ZNF317: variants seen among roughly 807,000 people sequenced by gnomAD.
ZNF317 encodes the protein zinc finger protein 317.
In ZNF317, 17 loss-of-function variants were observed where a neutral mutation model predicts 23.4. That is an observed-to-expected ratio of 0.73 (90% CI 0.50 to 1.09). ZNF317 has a LOEUF of 1.09. Ranked by LOEUF, ZNF317 falls within the 50% of genes least tolerant of loss-of-function variation. The pLI is 0.00. For missense variants in ZNF317, 679 were observed against 796.7 expected, an observed-to-expected ratio of 0.85 and a Z score of 1.78; for synonymous variants, 317 against 314.9, an observed-to-expected ratio of 1.01 and a Z score of -0.07.
At chr19:9,150,487 C>G (rs910921918) in intron 1 of ZNF317, among the ~76,000 whole-genome samples, 6 of 152,124 alleles carry the variant, frequency 3.9e-5, no homozygotes, top group African/African-American at 1.4e-4. Context: ...GAGACCTTCA[C>G]AGAAGTGCAA....
At chr19:9,150,610 G>C (rs966784882) in intron 1 of ZNF317, among the ~76,000 whole-genome samples, 3 of 152,216 alleles carry the variant, frequency 2.0e-5, no homozygotes, top group Non-Finnish European at 4.4e-5. Context: ...GCTGGGCAGA[G>C]GAGGGATCTC....
chr19:9,140,485 T>A lies in ZNF317; in HGVS notation c.-200T>A. Reference sequence around the variant, plus strand: ...TCAGCGGCGAATTCTTTCGGCCTGTTGGGGACCCCTCGTGTCCCCACGCCA... The same window carrying A: ...TCAGCGGCGAATTCTTTCGGCCTGTAGGGGACCCCTCGTGTCCCCACGCCA... On this transcript the variant is annotated 5_prime_UTR_variant, in exon 1 of 7. Transcript: ENST00000247956. 1 of 456,430 alleles carries A rather than the reference T, an allele frequency of 2.2e-6. No homozygotes were observed. Among genetic ancestry groups the A allele is most frequent in the Non-Finnish European group, 4.4e-6 (1 of 226,860 alleles). 28.3% of individuals were successfully genotyped at this position (456,430 alleles called of 1,614,324 possible).
chr19:9,161,650 A>G lies in ZNF317; in HGVS notation c.*217A>G, dbSNP rs2050859316. 3.4e-6 allele frequency: 2 copies of G among 589,642 alleles called. No individual in the cohort carries two copies. Among genetic ancestry groups the G allele is most frequent in the Admixed American group, 3.2e-5 (1 of 31,044 alleles). The allele number at this position is 589,642 out of a possible 1,614,324, so 36.5% of individuals were successfully genotyped here. A position where few individuals can be genotyped will look rare whatever the true frequency, so the allele number is the denominator to read the frequency against. On this transcript the variant is annotated 3_prime_UTR_variant, in exon 7 of 7. Coordinates refer to ENST00000247956, the MANE Select transcript of ZNF317 (RefSeq NM_020933.5). The surrounding 1 kb of genome is among the most constrained non-coding windows in gnomAD (Gnocchi z 4.0). ...GGGGGTGAAAATGTACGTCTGTAGC[A>G]TGGAGAAGCCTTCAGGGTACATTCA...
At chr19:9,142,541 G>A (rs1361265688) in intron 1 of ZNF317, among the ~76,000 whole-genome samples, 7 of 106,546 alleles carry the variant, frequency 6.6e-5, no homozygotes, top group Non-Finnish European at 1.2e-4. Context: ...CTTTTAACAA[G>A]TGATTTTTTT....
chr19:9,149,305 C>G (rs2050715883), intron 1 of ZNF317, among the ~76,000 whole-genome samples: 1 of 152,028 alleles, frequency 6.6e-6, no homozygotes, highest in Admixed American at 6.6e-5. Flanking sequence ...GAAACCCTGT[C>G]TCTACTAAAA....
At chr19:9,156,117 C>T (rs978190246) in intron 2 of ZNF317, 76 bp downstream of exon 2, 76 of 1,559,300 alleles carry the variant, frequency 4.9e-5, no homozygotes, top group Non-Finnish European at 5.8e-5. Context: ...GTGAAAGATA[C>T]GTACACCATA....
intron 1 of ZNF317, among the ~76,000 whole-genome samples, chr19:9,140,992 T>A (rs186234021): frequency 6.6e-6 from 1 of 152,278 alleles, no homozygotes; most frequent in African/African-American, 2.4e-5. Context: ...ACATTGGTGT[T>A]CTTATTAGCA....
rs371623781 is a variant in ZNF317, at chr19:9,151,255, G to A, written c.-92-4670G>A. ...AGGGCTTTGTAAAAAGAATGAAAGC[G>A]TCATGCATCTTTGAGTTGGCCCAAG... On this transcript the variant is annotated intron_variant, in intron 1 of 6. Transcript: ENST00000247956. Among the ~76,000 whole-genome samples the A allele has an allele frequency of 2.7e-4, 41 of 152,264 alleles. 1 individual carries two copies. Among genetic ancestry groups the A allele is most frequent in the South Asian group, 1.7e-3 (8 of 4,826 alleles).
Position 9,152,201 on chromosome 19 carries a change from C to T in ZNF317, c.-92-3724C>T, listed in dbSNP as rs544009637. On this transcript the variant is annotated intron_variant, in intron 1 of 6. Coordinates refer to ENST00000247956, the MANE Select transcript of ZNF317 (RefSeq NM_020933.5). ...GATTACAGGCGTGAGCCACCGTGCC[C>T]AGCTGGTCCTGGACTTTTTATTTAA... Among the ~76,000 whole-genome samples, 15 of 152,282 alleles carry T rather than the reference C, an allele frequency of 9.9e-5. No individual in the cohort carries two copies. In the East Asian group the frequency reaches 2.7e-3, roughly 27 times the overall value.
chr19:9,158,799 A>C (rs2050815989), intron 5 of ZNF317, 27 bp from the exon 6 acceptor site: 1 of 1,473,278 alleles, frequency 6.8e-7, no homozygotes, highest in African/African-American at 1.4e-5. Flanking sequence ...CTTTTCCAAC[A>C]ATTAATACTT....
intron 1 of ZNF317, among the ~76,000 whole-genome samples, chr19:9,147,347 T>TTTGTTTTG (rs1324999739): frequency 1.6e-5 from 2 of 128,290 alleles, no homozygotes; most frequent in African/African-American, 5.7e-5. Flanking sequence ...TTTTTTTTTT[T>TTTGTTTTG]TTTTTTTTTT....
intron 1 of ZNF317, among the ~76,000 whole-genome samples, chr19:9,145,396 T>C (rs1487706370): frequency 2.0e-5 from 3 of 152,210 alleles, no homozygotes; most frequent in Non-Finnish European, 4.4e-5. Flanking sequence ...ATGCTGGGAT[T>C]ACAGGTGTGG....
chr19:9,158,815 ATTT>A lies in ZNF317; in HGVS notation c.386-10_386-8del. The A allele has an allele frequency of 6.3e-7, 1 of 1,578,820 alleles. No homozygotes were observed. Among genetic ancestry groups the A allele is most frequent in the Non-Finnish European group, 8.7e-7 (1 of 1,148,204 alleles). ...TTTTCCAACAATTAATACTTTTCCA[ATTT>A]GTTTCAGATTGGGAGACTCCATCTA... On this transcript the variant is annotated splice_polypyrimidine_tract_variant and splice_region_variant and intron_variant, in intron 5 of 6. Transcript: ENST00000247956.
Position 9,157,266 on chromosome 19 carries a change from A to T in ZNF317, c.163-2A>T. 1 of 1,613,582 alleles carries T rather than the reference A, an allele frequency of 6.2e-7. No homozygotes were observed. Among genetic ancestry groups the T allele is most frequent in the East Asian group, 2.2e-5 (1 of 44,880 alleles). On this transcript the variant is annotated splice_acceptor_variant, in intron 3 of 6. Coordinates refer to ENST00000247956, the MANE Select transcript of ZNF317 (RefSeq NM_020933.5). LOFTEE classifies it high-confidence loss of function. ...TGACCCCAAGTTTGTGTGGCGTTCC[A>T]GGAATCGGTGACTTTCCAAGATGTC...
chr19:9,157,549 G>C (rs915975342), intron 4 of ZNF317, 155 bp downstream of exon 4: 2 of 947,398 alleles, frequency 2.1e-6, no homozygotes, highest in Admixed American at 2.7e-5. Flanking sequence ...CCTGGGTATC[G>C]AGGCCCATCT....
At chr19:9,158,939 TC>T (rs757670285) in intron 6 of ZNF317, 31 bp downstream of exon 6, 24 of 1,498,508 alleles carry the variant, frequency 1.6e-5, no homozygotes, top group African/African-American at 2.8e-5. Context: ...TTCTGGATCT[TC>T]CTTCCACGTC....
Position 9,160,023 on chromosome 19 carries a change from A to C in ZNF317, c.469-91A>C. On this transcript the variant is annotated intron_variant, in intron 6 of 6. Transcript: ENST00000247956. The surrounding 1 kb of genome is among the most constrained non-coding windows in gnomAD (Gnocchi z 6.8). ...GCTCTAGTCATAGTAATGTGCTTCTATCTGTTCATAGCAGTGTATGTGGGG... is the reference window on the plus strand; with the variant it reads ...GCTCTAGTCATAGTAATGTGCTTCTCTCTGTTCATAGCAGTGTATGTGGGG... 1 of 1,549,714 alleles carries C rather than the reference A, an allele frequency of 6.5e-7. No homozygotes were observed.
intron 6 of ZNF317, among the ~76,000 whole-genome samples, chr19:9,159,143 T>C (rs2050819826): frequency 1.3e-5 from 2 of 152,218 alleles, no homozygotes; most frequent in African/African-American, 4.8e-5. Flanking sequence ...ATATTGAGTG[T>C]TGGGGCTCAA....
intron 1 of ZNF317, among the ~76,000 whole-genome samples, chr19:9,143,142 C>G (rs1470000180): frequency 6.6e-6 from 1 of 152,048 alleles, no homozygotes; most frequent in East Asian, 1.9e-4. Flanking sequence ...TTTATTTATT[C>G]CATCTGAGGT....
Sources: gnomAD v4.1 joint callset for allele counts (sites outside exome capture counted in the v4.1 genomes callset) on GRCh38, gnomAD v4.1.1 for gene constraint, Gnocchi (gnomAD v3.1) non-coding constraint, MANE v1.5 for transcripts, NCBI Gene and HGNC (gene_info 2026-07-23, HGNC 2026-07-21) for gene names.